Variants in HDAC1 observed in about 807,000 individuals in gnomAD.
The protein encoded by HDAC1 is protein deacetylase HDAC1.
A neutral mutation model predicts 65.5 loss-of-function variants in HDAC1; 18 were observed. The observed-to-expected ratio is 0.27, with a 90% confidence interval of 0.19 to 0.41. HDAC1 has a LOEUF of 0.41. HDAC1 is among the 10% of genes least tolerant of loss of function. The probability of loss-of-function intolerance (pLI) is 1.00; values close to 1 mark genes in which losing one functional copy is unlikely to be tolerated. For synonymous variants in HDAC1, 211 were observed against 227.9 expected, an observed-to-expected ratio of 0.93 and a Z score of 0.67; for missense variants, 373 against 625.2, an observed-to-expected ratio of 0.60 and a Z score of 4.30.
In HDAC1 at chr1:32,329,914, G is replaced by A; in HGVS notation, c.730-664G>A. On this transcript the variant is annotated intron_variant, in intron 7 of 13. Coordinates refer to ENST00000373548, the MANE Select transcript of HDAC1 (RefSeq NM_004964.3). The surrounding 1 kb of genome is among the most constrained non-coding windows in gnomAD (Gnocchi z 4.1). The stretch of plus-strand genomic sequence containing the variant: ...GAAGTGCAGAGGTGCCAGTGTGGCA[G>A]CATGTAGGCCAGTGTGGTGTATGGG... 1 of 157,738 alleles carries A rather than the reference G, an allele frequency of 6.3e-6. No homozygotes were observed. Among genetic ancestry groups the A allele is most frequent in the Admixed American group, 6.0e-5 (1 of 16,692 alleles). 9.8% of individuals were successfully genotyped at this position (157,738 alleles called of 1,614,324 possible).
At position 32,292,147 on chromosome 1, in the gene HDAC1, G is replaced by T. The variant is rs377307169; in HGVS notation, c.-23G>T. On this transcript the variant is annotated 5_prime_UTR_variant, in exon 1 of 14. Coordinates refer to ENST00000373548, the MANE Select transcript of HDAC1 (RefSeq NM_004964.3). ...CGGGAGGGCGGACGGACCGACTGAC[G>T]GTAGGGACGGGAGGCGAGCAAGATG... 9.7e-6 allele frequency: 15 copies of T among 1,547,464 alleles called. No homozygotes were observed. The African/African-American group carries it at 1.9e-4, about 20-fold the overall frequency.
intron 1 of HDAC1, among the ~76,000 whole-genome samples, chr1:32,299,259 T>C (rs1007653146): frequency 1.3e-5 from 2 of 151,906 alleles, no homozygotes; most frequent in African/African-American, 2.4e-5. Flanking sequence ...ACAGCACGGG[T>C]TGGCAAACTA....
intron 2 of HDAC1, among the ~76,000 whole-genome samples, chr1:32,315,294 G>A (rs1278225304): frequency 2.6e-5 from 4 of 151,674 alleles, no homozygotes; most frequent in Non-Finnish European, 5.9e-5. Context: ...CTTTTTTCGT[G>A]AACTCTTGGA....
chr1:32,293,901 C>CA (rs566733201), intron 1 of HDAC1, among the ~76,000 whole-genome samples: 5,016 of 116,764 alleles, frequency 0.043, 291 homozygotes, highest in African/African-American at 0.14. Flanking sequence ...GACTCCATCT[C>CA]AAAAAAAAAA....
chr1:32,322,736 C>T (rs1480271972), intron 3 of HDAC1, among the ~76,000 whole-genome samples: 1 of 151,988 alleles, frequency 6.6e-6, no homozygotes, highest in East Asian at 1.9e-4. Context: ...CCATTAGGCC[C>T]GAAATAACTT....
At chr1:32,299,176 A>G (rs1419854280) in intron 1 of HDAC1, among the ~76,000 whole-genome samples, 1 of 152,134 alleles carries the variant, frequency 6.6e-6, no homozygotes, top group African/African-American at 2.4e-5. Flanking sequence ...GTGGAATTCT[A>G]AGGAAGTGGA....
rs755055993 is a variant in HDAC1, at chr1:32,316,815, C to T, written c.280+33C>T. 7.5e-6 allele frequency: 10 copies of T among 1,330,724 alleles called. No individual in the cohort carries two copies. In the South Asian group the frequency reaches 8.2e-5, roughly 11 times the overall value. The allele number at this position is 1,330,724 out of a possible 1,614,324, so 82.4% of individuals were successfully genotyped here. A position where few individuals can be genotyped will look rare whatever the true frequency, so the allele number is the denominator to read the frequency against. ...CATTCTGTTCCCTCACACTCTGAAG[C>T]CGCCAGTTGCATCTCCCTTTCCACT... is the stretch of plus-strand genomic sequence containing the variant. On this transcript the variant is annotated intron_variant, in intron 3 of 13. Coordinates refer to ENST00000373548, the MANE Select transcript of HDAC1 (RefSeq NM_004964.3).
intron 1 of HDAC1, among the ~76,000 whole-genome samples, chr1:32,302,266 T>G (rs1223272450): frequency 6.6e-6 from 1 of 152,060 alleles, no homozygotes; most frequent in Non-Finnish European, 1.5e-5. Context: ...TAATTCTGAG[T>G]AGCGATGGTT....
intron 2 of HDAC1, among the ~76,000 whole-genome samples, chr1:32,305,476 T>A (rs528896928): frequency 2.2e-4 from 33 of 152,324 alleles, no homozygotes; most frequent in African/African-American, 7.5e-4. Context: ...TTGCCAACAC[T>A]TGATTTTGTC....
At chr1:32,308,273 C>T (rs1293353741) in intron 2 of HDAC1, among the ~76,000 whole-genome samples, 6 of 152,096 alleles carry the variant, frequency 3.9e-5, no homozygotes, top group East Asian at 1.9e-4. Context: ...GAGCCGAGAT[C>T]GTGCCATTGC....
chr1:32,321,995 C>T (rs1342545595), intron 3 of HDAC1, among the ~76,000 whole-genome samples: 5 of 152,142 alleles, frequency 3.3e-5, no homozygotes, highest in Non-Finnish European at 4.4e-5. Flanking sequence ...CATGCTTCTT[C>T]CTCAGAGCAC....
In HDAC1 at chr1:32,327,029, GCTTCT is replaced by G; in HGVS notation, c.447_451del (p.Phe150LeufsTer4). On this transcript the variant is annotated frameshift_variant, in exon 5 of 14. Transcript: ENST00000373548. LOFTEE classifies it high-confidence loss of function. This position sits in a 1 kb window ranked among gnomAD's most constrained non-coding sequence, Gnocchi z 6.0. ...CATGCAAAGAAGTCCGAGGCATCTG[GCTTCT>G]GTTACGTCAATGATATCGTCTTGGC... 1.2e-6 allele frequency: 2 copies of G among 1,614,050 alleles called. No homozygotes were observed. The highest frequency in any genetic ancestry group is 1.7e-6 in the Non-Finnish European group (2 of 1,179,918).
intron 12 of HDAC1, 35 bp downstream of exon 12, chr1:32,332,277 G>A (rs748269712): frequency 2.4e-5 from 38 of 1,588,506 alleles, no homozygotes; most frequent in Non-Finnish European, 3.0e-5. Context: ...TGGGTCTCGA[G>A]CCTGAGAGGA....
intron 3 of HDAC1, 24 bp from the exon 4 acceptor site, chr1:32,324,454 TA>T: frequency 1.3e-6 from 2 of 1,546,256 alleles, no homozygotes; most frequent in Non-Finnish European, 1.8e-6. Context: ...TTGTGGAAAC[TA>T]ACCTTTTGCT....
Position 32,295,514 on chromosome 1 carries a change from C to A in HDAC1, c.49+3296C>A, listed in dbSNP as rs992011065. Among the ~76,000 whole-genome samples, 9 of 152,240 alleles carry A rather than the reference C, an allele frequency of 5.9e-5. No individual in the cohort carries two copies. The South Asian group carries it at 1.7e-3, about 28-fold the overall frequency. On this transcript the variant is annotated intron_variant, in intron 1 of 13. Transcript: ENST00000373548. ...ATTTGGTGTCTGGTGAGGGTCTGGT[C>A]TCTACTTCCAATATGGTGCTTTGAA...
chr1:32,302,464 T>C lies in HDAC1; in HGVS notation c.50-157T>C, dbSNP rs76067435. Among the ~76,000 whole-genome samples the C allele has an allele frequency of 5.7e-3, 862 of 152,020 alleles. 3 individuals are homozygous for C. The highest frequency in any genetic ancestry group is 9.4e-3 in the Non-Finnish European group (641 of 67,966). ...AGGGTCCCTGCTTTTTTTTTTTTTT[T>C]TCTTTTGGAGTTACCCTTCAAAAGG... On this transcript the variant is annotated intron_variant, in intron 1 of 13. Transcript: ENST00000373548.
chr1:32,328,512 G>A (rs907894819), intron 6 of HDAC1, among the ~76,000 whole-genome samples: 2 of 152,068 alleles, frequency 1.3e-5, no homozygotes, highest in Non-Finnish European at 2.9e-5. Context: ...AAAGAGATGG[G>A]GTTTTGCCAT....
rs2148070559 is a variant in HDAC1, at chr1:32,327,404, A to G, written c.495-132A>G. ...CCCGGCCGCTCTTCCACCTTCCTTCAGCCAGTTTCCACGTCTCTGGTGCTT... is the reference window on the plus strand; with the variant it reads ...CCCGGCCGCTCTTCCACCTTCCTTCGGCCAGTTTCCACGTCTCTGGTGCTT... On this transcript the variant is annotated intron_variant, in intron 5 of 13. Coordinates refer to ENST00000373548, the MANE Select transcript of HDAC1 (RefSeq NM_004964.3). The surrounding 1 kb of genome is among the most constrained non-coding windows in gnomAD (Gnocchi z 6.0). 6.7e-6 allele frequency: 5 copies of G among 747,972 alleles called. No homozygotes were observed. Among genetic ancestry groups the G allele is most frequent in the East Asian group, 2.5e-5 (1 of 40,726 alleles). The allele number at this position is 747,972 out of a possible 1,614,324, so 46.3% of individuals were successfully genotyped here.
chr1:32,292,984 A>G (rs1405303865), intron 1 of HDAC1, among the ~76,000 whole-genome samples: 1 of 152,176 alleles, frequency 6.6e-6, no homozygotes, highest in Non-Finnish European at 1.5e-5. Context: ...AGGCAAAGAT[A>G]ACAGCAAGTT....
Sources: gnomAD v4.1 joint callset for allele counts (sites outside exome capture counted in the v4.1 genomes callset) on GRCh38, gnomAD v4.1.1 for gene constraint, Gnocchi (gnomAD v3.1) non-coding constraint, MANE v1.5 for transcripts, NCBI Gene and HGNC (gene_info 2026-07-23, HGNC 2026-07-21) for gene names.